Variants in MRPL47 observed in about 807,000 individuals in gnomAD.
The protein encoded by MRPL47 is mitochondrial ribosomal protein L47, also known as large ribosomal subunit protein uL29m.
MRPL47 carries 31 observed loss-of-function variants against 34.0 expected under a neutral mutation model. The ratio of observed to expected loss-of-function variants is 0.91; its 90% CI spans 0.68 to 1.23. The LOEUF is 1.23. MRPL47 is among the 50% of genes most tolerant of loss of function. MRPL47 has a pLI of 0.00. For missense variants in MRPL47, 328 were observed against 285.8 expected, an observed-to-expected ratio of 1.15 and a Z score of -1.07; for synonymous variants, 106 against 101.6, an observed-to-expected ratio of 1.04 and a Z score of -0.26.
chr3:179,595,229 G>T (rs1462717915), intron 4 of MRPL47, among the ~76,000 whole-genome samples: 2 of 151,834 alleles, frequency 1.3e-5, no homozygotes, highest in African/African-American at 4.8e-5. Context: ...TATTTTTTTG[G>T]TAGAGACAGG....
intron 6 of MRPL47, among the ~76,000 whole-genome samples, chr3:179,591,844 G>GT (rs1318408641): frequency 1.3e-5 from 2 of 149,914 alleles, no homozygotes; most frequent in Non-Finnish European, 3.0e-5. Flanking sequence ...TTTTTTTTCT[G>GT]TTTTTTGAGA....
intron 2 of MRPL47, 121 bp downstream of exon 2, chr3:179,602,531 T>A (rs1718949278): frequency 1.7e-6 from 1 of 582,586 alleles, no homozygotes; most frequent in Non-Finnish European, 2.9e-6. Context: ...CAAAGAAAAC[T>A]GAAAAAGGAA....
chr3:179,597,790 A>C (rs1304390337), intron 4 of MRPL47, among the ~76,000 whole-genome samples: 2 of 152,134 alleles, frequency 1.3e-5, no homozygotes, highest in African/African-American at 4.8e-5. Context: ...CCTGGACAAC[A>C]AGAGCAAAAC....
At chr3:179,600,128 A>C (rs1450534414) in intron 3 of MRPL47, among the ~76,000 whole-genome samples, 2 of 152,098 alleles carry the variant, frequency 1.3e-5, no homozygotes, top group African/African-American at 4.8e-5. Context: ...CTCAAAAAAA[A>C]AAAAACAAAA....
intron 4 of MRPL47, among the ~76,000 whole-genome samples, chr3:179,598,333 G>A (rs969495641): frequency 1.3e-5 from 2 of 148,700 alleles, no homozygotes; most frequent in African/African-American, 5.0e-5. Flanking sequence ...GTTGCAGTGA[G>A]CCAAGATATC....
At position 179,602,777 on chromosome 3, in the gene MRPL47, G is replaced by C. The variant is rs746949445; in HGVS notation, c.119C>G (p.Pro40Arg). ...GGATGTCACATTTGGTGTACTCTTA[G>C]GCAACAAACTAAGAAAAAACCTGCA... ...ACTGFFLSLL[P>R]KSTPNVTSFH... Residue 40 changes from proline (P) to arginine (R), a missense_variant, in exon 2 of 7, where the codon CCT becomes CGT. Transcript: ENST00000476781. The C allele has an allele frequency of 6.2e-7, 1 of 1,603,418 alleles. No homozygotes were observed. Among genetic ancestry groups the C allele is most frequent in the African/African-American group, 1.3e-5 (1 of 74,130 alleles).
intron 6 of MRPL47, among the ~76,000 whole-genome samples, 168 bp from the exon 7 acceptor site, chr3:179,589,163 C>A (rs1442870464): frequency 6.6e-6 from 1 of 152,192 alleles, no homozygotes; most frequent in Non-Finnish European, 1.5e-5. Context: ...TGTAAACCTA[C>A]ACAAGTCAAG....
rs528787371 is a variant in MRPL47, at chr3:179,602,096, C to T, written c.245-306G>A. Among the ~76,000 whole-genome samples, 139 of 152,308 alleles carry T rather than the reference C, an allele frequency of 9.1e-4. 1 individual carries two copies. Among genetic ancestry groups the T allele is most frequent in the Admixed American group, 1.4e-3 (21 of 15,298 alleles). On this transcript the variant is annotated intron_variant, in intron 2 of 6. Transcript: ENST00000476781. ...CGGTGGTTCACACCTGTATTCCCAACGCTTTGGGAGGCCAAGACGGCGGGC... is the reference window on the plus strand; with the variant it reads ...CGGTGGTTCACACCTGTATTCCCAATGCTTTGGGAGGCCAAGACGGCGGGC...
At chr3:179,601,361 TG>T (rs1201831726) in intron 3 of MRPL47, among the ~76,000 whole-genome samples, 2 of 152,220 alleles carry the variant, frequency 1.3e-5, no homozygotes, top group African/African-American at 2.4e-5. Context: ...AAGCCGTTAC[TG>T]TACCACTGCA....
intron 4 of MRPL47, among the ~76,000 whole-genome samples, chr3:179,598,054 A>G (rs1718828850): frequency 6.6e-6 from 1 of 152,200 alleles, no homozygotes; most frequent in African/African-American, 2.4e-5. Flanking sequence ...AATGCTAAAT[A>G]TAGATTTATC....
chr3:179,599,369 G>C (rs1226614755), intron 3 of MRPL47, among the ~76,000 whole-genome samples: 2 of 152,160 alleles, frequency 1.3e-5, no homozygotes, highest in Admixed American at 1.3e-4. Flanking sequence ...AAGGCAGATG[G>C]AAGATAAATA....
At chr3:179,595,605 G>T (rs924678002) in intron 4 of MRPL47, among the ~76,000 whole-genome samples, 4 of 152,220 alleles carry the variant, frequency 2.6e-5, no homozygotes, top group Non-Finnish European at 4.4e-5. Context: ...TTCACTAACT[G>T]CATTAAAGAG....
At chr3:179,602,920 G>T (rs1718962466) in intron 1 of MRPL47, 123 bp from the exon 2 acceptor site, 2 of 808,244 alleles carry the variant, frequency 2.5e-6, no homozygotes, top group African/African-American at 1.8e-5. Context: ...GCTACTCAGG[G>T]TTTCTGCACA....
chr3:179,601,654 G>A, intron 3 of MRPL47, 76 bp downstream of exon 3: 1 of 872,724 alleles, frequency 1.1e-6, no homozygotes, highest in South Asian at 1.4e-5. Context: ...TCTTATATCA[G>A]ATAGATTGTT....
chr3:179,592,296 G>A (rs570028489), intron 6 of MRPL47, among the ~76,000 whole-genome samples: 83 of 152,242 alleles, frequency 5.5e-4, no homozygotes, highest in Non-Finnish European at 9.3e-4. Context: ...CCGGGTTCAC[G>A]CCATTCTCCT....
At chr3:179,593,076 G>T (rs967012275) in intron 5 of MRPL47, among the ~76,000 whole-genome samples, 1 of 151,954 alleles carries the variant, frequency 6.6e-6, no homozygotes, top group African/African-American at 2.4e-5. Flanking sequence ...CTTTCTGAGG[G>T]GAGGTTTATT....
chr3:179,597,974 A>C (rs566934466), intron 4 of MRPL47, among the ~76,000 whole-genome samples: 2 of 152,310 alleles, frequency 1.3e-5, no homozygotes, highest in South Asian at 4.1e-4. Flanking sequence ...TTACTAAGGA[A>C]ATGGTTAAAC....
At chr3:179,598,853 A>T (rs1718857050) in intron 3 of MRPL47, 82 bp from the exon 4 acceptor site, 1 of 1,038,424 alleles carries the variant, frequency 9.6e-7, no homozygotes, top group Non-Finnish European at 1.5e-6. Context: ...AAAATTAATT[A>T]TCTGTACTTG....
chr3:179,591,816 T>C (rs995658238), intron 6 of MRPL47, among the ~76,000 whole-genome samples: 17 of 152,264 alleles, frequency 1.1e-4, no homozygotes, highest in African/African-American at 4.1e-4. Context: ...ACTACAATGT[T>C]AACAGTGGCT....
Sources: gnomAD v4.1 joint callset for allele counts (sites outside exome capture counted in the v4.1 genomes callset) on GRCh38, gnomAD v4.1.1 for gene constraint, MANE v1.5 for transcripts, NCBI Gene and HGNC (gene_info 2026-07-23, HGNC 2026-07-21) for gene names.